TNRC6B: variants seen among roughly 807,000 people sequenced by gnomAD.
The protein encoded by TNRC6B is trinucleotide repeat-containing gene 6B protein.
TNRC6B carries 52 observed loss-of-function variants against 203.6 expected under a neutral mutation model. That is an observed-to-expected ratio of 0.26 (90% CI 0.20 to 0.32). The LOEUF is 0.32. Among genes scored for constraint, TNRC6B ranks in the 10% least tolerant of loss-of-function variants. The pLI, the probability that TNRC6B is intolerant of heterozygous loss-of-function variation, is 1.00. For missense variants in TNRC6B, 1,923 were observed against 2,286.2 expected (o/e 0.84, Z 3.24); for synonymous variants, 838 against 845.7 (o/e 0.99, Z 0.16).
intron 1 of TNRC6B, among the ~76,000 whole-genome samples, chr22:40,181,904 C>T (rs906633886): frequency 2.0e-5 from 3 of 150,790 alleles, no homozygotes; most frequent in African/African-American, 7.3e-5. Flanking sequence ...CAAGATCGTG[C>T]CACTGCATTC....
chr22:40,328,497 G>A lies in TNRC6B; in HGVS notation c.*5256G>A, dbSNP rs926359364. 1 of 152,106 alleles carries A rather than the reference G, an allele frequency of 6.6e-6. No homozygotes were observed. Among genetic ancestry groups the A allele is most frequent in the Non-Finnish European group, 1.5e-5 (1 of 68,018 alleles). 9.4% of individuals were successfully genotyped at this position (152,106 alleles called of 1,614,324 possible). A position where few individuals can be genotyped will look rare whatever the true frequency, so the allele number is the denominator to read the frequency against. ...CGCAGAAACTAGAAGCTCATAGGCT[G>A]TTAACTTTTTGCAACTATTCACTCA... On this transcript the variant is annotated 3_prime_UTR_variant, in exon 23 of 23. Coordinates refer to ENST00000454349, the MANE Select transcript of TNRC6B (RefSeq NM_001162501.2).
chr22:40,207,767 C>T (rs947242777), intron 1 of TNRC6B, among the ~76,000 whole-genome samples: 2 of 151,876 alleles, frequency 1.3e-5, no homozygotes, highest in African/African-American at 2.4e-5. Flanking sequence ...GCTAGTTAAA[C>T]CACAATGAGG....
intron 1 of TNRC6B, among the ~76,000 whole-genome samples, chr22:40,065,676 A>G (rs921809346): frequency 2.0e-5 from 3 of 152,044 alleles, no homozygotes; most frequent in African/African-American, 7.3e-5. Context: ...ATCTCTGTAA[A>G]TATTATTGAG....
chr22:40,321,184 A>G lies in TNRC6B; in HGVS notation c.5069A>G (p.Tyr1690Cys). Residue 1690 changes from tyrosine to cysteine, a missense_variant, in exon 22 of 23, where the codon TAC becomes TGC. This residue lies in a region of TNRC6B where 34 missense variants were observed against 98.5 expected (regional missense o/e 0.35). Coordinates refer to ENST00000454349, the MANE Select transcript of TNRC6B (RefSeq NM_001162501.2). ...NLTQGTALIR[Y>C]STKQEAAKAQ... ...ACCCAGGGCACTGCCCTGATCCGAT[A>G]CAGCACCAAACAGGAGGCGGCCAAG... 1 of 1,614,014 alleles carries G rather than the reference A, an allele frequency of 6.2e-7. No homozygotes were observed. Among genetic ancestry groups the G allele is most frequent in the Non-Finnish European group, 8.5e-7 (1 of 1,179,898 alleles).
At chr22:40,114,759 A>T (rs1001825260) in intron 1 of TNRC6B, among the ~76,000 whole-genome samples, 1 of 152,136 alleles carries the variant, frequency 6.6e-6, no homozygotes, top group Admixed American at 6.5e-5. Flanking sequence ...AGAAGAGAGA[A>T]AACTGGAGTG....
intron 3 of TNRC6B, among the ~76,000 whole-genome samples, chr22:40,141,183 G>A (rs2068641392): frequency 6.9e-6 from 1 of 144,962 alleles, no homozygotes; most frequent in Non-Finnish European, 1.5e-5. Flanking sequence ...CTTTCCATGG[G>A]TGGTGAACTC....
intron 3 of TNRC6B, among the ~76,000 whole-genome samples, chr22:40,260,384 A>G (rs1488119700): frequency 6.6e-6 from 1 of 152,162 alleles, no homozygotes; most frequent in African/African-American, 2.4e-5. Flanking sequence ...GAAGAAAGAA[A>G]AGATGAAAGA....
chr22:40,171,096 A>C (rs1004421698), intron 4 of TNRC6B, among the ~76,000 whole-genome samples: 8 of 149,026 alleles, frequency 5.4e-5, no homozygotes, highest in African/African-American at 7.4e-5. Flanking sequence ...ATATGTATGT[A>C]TAGGAATTTT....
chr22:40,125,833 G>A (rs1311030985), exon 3 of TNRC6B: 1 of 1,612,198 alleles, frequency 6.2e-7, no homozygotes, highest in Non-Finnish European at 8.5e-7. Context: ...AACCAATGAG[G>A]GAGAAGTATC....
At chr22:40,048,599 T>C (rs1229574061) in intron 1 of TNRC6B, among the ~76,000 whole-genome samples, 4 of 151,906 alleles carry the variant, frequency 2.6e-5, no homozygotes, top group Non-Finnish European at 5.9e-5. Context: ...CTTTTCTGTC[T>C]CCCTGCAGCA....
Position 40,081,480 on chromosome 22 carries a change from A to T in TNRC6B, c.-120-35575A>T, listed in dbSNP as rs180855858. Reference sequence around the variant, plus strand: ...TTGTACCTTGTGCATGTCTCTGCTGAAACGTTTTTCATAATGCTCTATACC... The same window carrying T: ...TTGTACCTTGTGCATGTCTCTGCTGTAACGTTTTTCATAATGCTCTATACC... On this transcript the variant is annotated intron_variant, in intron 1 of 23. Transcript: ENST00000301923. 1.7e-3 allele frequency among the ~76,000 whole-genome samples: 254 copies of T among 152,196 alleles called. 2 individuals carry two copies. The highest frequency in any genetic ancestry group is 0.01 in the Middle Eastern group (3 of 292).
intron 1 of TNRC6B, among the ~76,000 whole-genome samples, chr22:40,184,111 T>C (rs536483153): frequency 6.6e-6 from 1 of 152,366 alleles, no homozygotes; most frequent in South Asian, 2.1e-4. Flanking sequence ...CGTTGGAATT[T>C]GTTTTTTAAA....
intron 2 of TNRC6B, among the ~76,000 whole-genome samples, chr22:40,249,205 T>G (rs1240579368): frequency 6.6e-6 from 1 of 152,216 alleles, no homozygotes; most frequent in African/African-American, 2.4e-5. Flanking sequence ...TTTCTTGGTT[T>G]TATTCGTATT....
chr22:40,065,523 A>C (rs2067888116), intron 1 of TNRC6B, among the ~76,000 whole-genome samples: 1 of 152,044 alleles, frequency 6.6e-6, no homozygotes, highest in African/African-American at 2.4e-5. Flanking sequence ...TTACAAAGTC[A>C]GTTTTGGTAG....
chr22:40,047,303 C>G (rs897185335), intron 1 of TNRC6B, among the ~76,000 whole-genome samples: 5 of 152,112 alleles, frequency 3.3e-5, no homozygotes, highest in Non-Finnish European at 7.3e-5. Flanking sequence ...CCATACCTAA[C>G]TTAAGAATTT....
chr22:40,166,205 T>C (rs2068917701), intron 4 of TNRC6B, among the ~76,000 whole-genome samples: 1 of 152,170 alleles, frequency 6.6e-6, no homozygotes, highest in Admixed American at 6.5e-5. Flanking sequence ...CAAATCCGGC[T>C]TTTGTGGGAA....
At chr22:40,207,418 AATATATAT>A (rs55644816) in intron 1 of TNRC6B, among the ~76,000 whole-genome samples, 18 of 128,848 alleles carry the variant, frequency 1.4e-4, no homozygotes, top group East Asian at 2.1e-4. Context: ...AAAAAAAAAA[AATATATAT>A]ATATATATAT....
intron 20 of TNRC6B, among the ~76,000 whole-genome samples, chr22:40,315,729 A>G (rs981696262): frequency 4.9e-5 from 7 of 143,582 alleles, no homozygotes; most frequent in African/African-American, 1.6e-4. Flanking sequence ...CAGAGTGAGA[A>G]CACTGGGAGG....
chr22:40,192,603 C>T (rs556235444), intron 1 of TNRC6B, among the ~76,000 whole-genome samples: 3 of 151,398 alleles, frequency 2.0e-5, no homozygotes, highest in South Asian at 4.2e-4. Flanking sequence ...GGCAACTGAG[C>T]GAGACTCTGC....
Sources: gnomAD v4.1 joint callset for allele counts (sites outside exome capture counted in the v4.1 genomes callset) on GRCh38, gnomAD v4.1.1 for gene constraint, gnomAD v4.1.1 regional missense constraint, MANE v1.5 for transcripts, NCBI Gene and HGNC (gene_info 2026-07-23, HGNC 2026-07-21) for gene names.